Variants in ENOX1 observed in about 807,000 individuals in gnomAD.
The protein encoded by ENOX1 is ecto-NOX disulfide-thiol exchanger 1.
A neutral mutation model predicts 82.5 loss-of-function variants in ENOX1; 42 were observed. The ratio of observed to expected loss-of-function variants is 0.51; its 90% confidence interval spans 0.40 to 0.66. The LOEUF is 0.66. Ranked by LOEUF, ENOX1 falls within the 30% of genes least tolerant of loss-of-function variation. The pLI, the probability that ENOX1 is intolerant of heterozygous loss-of-function variation, is 0.00. For missense variants in ENOX1, 608 were observed against 811.6 expected (o/e 0.75, Z 3.05); for synonymous variants, 271 against 282.2 (o/e 0.96, Z 0.40).
At chr13:43,353,290 T>C (rs1422192538) in intron 8 of ENOX1, among the ~76,000 whole-genome samples, 1 of 152,196 alleles carries the variant, frequency 6.6e-6, no homozygotes, top group African/African-American at 2.4e-5. Context: ...TTGTGGGTCA[T>C]AAGAAAGACT....
chr13:43,234,817 T>C (rs570201698), intron 15 of ENOX1, among the ~76,000 whole-genome samples: 3 of 152,350 alleles, frequency 2.0e-5, no homozygotes, highest in African/African-American at 7.2e-5. Flanking sequence ...AAAAAGTACA[T>C]GTATGTGTAT....
intron 2 of ENOX1, among the ~76,000 whole-genome samples, chr13:43,517,288 A>G (rs1260748091): frequency 6.6e-6 from 1 of 152,266 alleles, no homozygotes. Context: ...CCTTGAGGTC[A>G]GGAGTTCAAG....
chr13:43,570,683 T>A (rs1410947), intron 2 of ENOX1, among the ~76,000 whole-genome samples: 147,844 of 152,118 alleles, frequency 0.97, 71,984 homozygotes, highest in Non-Finnish European at 1. Context: ...CTGCAGTCAG[T>A]CAGAGTGAAT....
At chr13:43,329,501 G>A (rs866601951) in intron 9 of ENOX1, among the ~76,000 whole-genome samples, 13 of 152,146 alleles carry the variant, frequency 8.5e-5, no homozygotes, top group African/African-American at 1.9e-4. Flanking sequence ...ACTTTTGGAC[G>A]TATTGAGTTT....
chr13:43,465,498 TC>T (rs2057679925), intron 3 of ENOX1, among the ~76,000 whole-genome samples: 1 of 152,218 alleles, frequency 6.6e-6, no homozygotes, highest in African/African-American at 2.4e-5. Context: ...ATTTTTACTG[TC>T]CCAGCCACAA....
At chr13:43,540,437 T>TG (rs1253860534) in intron 2 of ENOX1, among the ~76,000 whole-genome samples, 1 of 151,856 alleles carries the variant, frequency 6.6e-6, no homozygotes, top group Non-Finnish European at 1.5e-5. Context: ...TCAGACAAGT[T>TG]GAAAAAAAGA....
At chr13:43,335,246 C>A (rs1171798104) in intron 9 of ENOX1, among the ~76,000 whole-genome samples, 1 of 152,234 alleles carries the variant, frequency 6.6e-6, no homozygotes, top group African/African-American at 2.4e-5. Context: ...TGTGGCTACT[C>A]TTCCATGATT....
chr13:43,325,132 C>A (rs1490100923), intron 10 of ENOX1, among the ~76,000 whole-genome samples: 1 of 151,960 alleles, frequency 6.6e-6, no homozygotes, highest in African/African-American at 2.4e-5. Context: ...TGAAAATCAG[C>A]CTTGACCTCA....
At chr13:43,443,056 T>A (rs1346224993) in intron 3 of ENOX1, among the ~76,000 whole-genome samples, 1 of 152,226 alleles carries the variant, frequency 6.6e-6, no homozygotes, top group Non-Finnish European at 1.5e-5. Flanking sequence ...AGCCACATCC[T>A]CTGATAAGTT....
At chr13:43,684,337 A>G (rs979320874) in intron 1 of ENOX1, among the ~76,000 whole-genome samples, 2 of 152,192 alleles carry the variant, frequency 1.3e-5, no homozygotes, top group African/African-American at 4.8e-5. Context: ...TTGAGGAAAC[A>G]AAGTGGTCAG....
At chr13:43,647,569 A>G (rs1465369019) in intron 2 of ENOX1, among the ~76,000 whole-genome samples, 1 of 152,200 alleles carries the variant, frequency 6.6e-6, no homozygotes. Flanking sequence ...GAATGAATAA[A>G]TGACTTAGGA....
At chr13:43,630,196 C>G (rs1395432672) in intron 2 of ENOX1, among the ~76,000 whole-genome samples, 5 of 152,108 alleles carry the variant, frequency 3.3e-5, no homozygotes. Flanking sequence ...AGTGGACACC[C>G]TTTATAGGCA....
chr13:43,345,727 A>C (rs182366829), intron 8 of ENOX1, among the ~76,000 whole-genome samples: 9 of 152,304 alleles, frequency 5.9e-5, no homozygotes, highest in Admixed American at 5.9e-4. Context: ...ACCTGAGGGG[A>C]GAAGCTTTTC....
At chr13:43,335,557 C>A (rs2048652147) in intron 9 of ENOX1, among the ~76,000 whole-genome samples, 1 of 152,088 alleles carries the variant, frequency 6.6e-6, no homozygotes, top group South Asian at 2.1e-4. Context: ...GGGCTCATAT[C>A]AAAGTGACAG....
At chr13:43,673,072 C>T (rs1295888116) in intron 1 of ENOX1, among the ~76,000 whole-genome samples, 2 of 151,960 alleles carry the variant, frequency 1.3e-5, no homozygotes, top group African/African-American at 4.8e-5. Context: ...TCTTCTATTC[C>T]CATCTCAATA....
intron 3 of ENOX1, among the ~76,000 whole-genome samples, chr13:43,464,686 C>T (rs991023425): frequency 1.3e-5 from 2 of 152,212 alleles, no homozygotes; most frequent in African/African-American, 4.8e-5. Flanking sequence ...TAACATCTCA[C>T]ATTACCATGG....
At chr13:43,272,466 A>C (rs1320923602) in intron 12 of ENOX1, among the ~76,000 whole-genome samples, 1 of 152,164 alleles carries the variant, frequency 6.6e-6, no homozygotes, top group Non-Finnish European at 1.5e-5. Flanking sequence ...GCTGTGCTCT[A>C]CTGAATAATA....
chr13:43,416,849 C>T (rs1432402381), intron 3 of ENOX1, among the ~76,000 whole-genome samples: 1 of 152,200 alleles, frequency 6.6e-6, no homozygotes. Context: ...CTTTTGGAGG[C>T]CAAGGCAGGC....
rs61212622 is a variant in ENOX1 at position 43,439,041 on chromosome 13, C to CTTTTTTT, written c.-74-26060_-74-26054dup. The stretch of plus-strand genomic sequence containing the variant: ...TAAATGAACTTTCCTGTCTTTTAAT[C>CTTTTTTT]TTTTTTTTTTTTTTTTTTTGAGCGG... On this transcript the variant is annotated intron_variant, in intron 3 of 16. Transcript: ENST00000690772. 2.7e-3 allele frequency among the ~76,000 whole-genome samples: 319 copies of CTTTTTTT among 120,060 alleles called. 2 individuals carry two copies. Among genetic ancestry groups the CTTTTTTT allele is most frequent in the Non-Finnish European group, 4.2e-3 (245 of 58,484 alleles). The allele number at this position is 120,060 out of a possible 152,430, so 78.8% of individuals were successfully genotyped here. A position where few individuals can be genotyped will look rare whatever the true frequency, so the allele number is the denominator to read the frequency against.
Sources: allele counts gnomAD v4.1 joint callset (sites outside exome capture counted in the v4.1 genomes callset), GRCh38; gene constraint gnomAD v4.1.1; transcripts MANE v1.5; gene names NCBI Gene and HGNC (gene_info 2026-07-23, HGNC 2026-07-21).